Variants in ABRA observed in about 807,000 individuals in gnomAD.
The protein encoded by ABRA is actin binding Rho activating protein, also known as actin-binding Rho-activating protein.
A neutral mutation model predicts 33.4 loss-of-function variants in ABRA; 25 were observed. The ratio of observed to expected loss-of-function variants is 0.75; its 90% confidence interval spans 0.55 to 1.04. The LOEUF is 1.04. Ranked by LOEUF, ABRA falls within the 50% of genes least tolerant of loss-of-function variation. The pLI, the probability that ABRA is intolerant of heterozygous loss-of-function variation, is 0.00. For missense variants in ABRA, 501 were observed against 491.7 expected, an observed-to-expected ratio of 1.02 and a Z score of -0.18; for synonymous variants, 193 against 176.8, an observed-to-expected ratio of 1.09 and a Z score of -0.73.
chr8:106,770,004 G>C lies in ABRA; in HGVS notation c.187C>G (p.Pro63Ala). The C allele has an allele frequency of 6.2e-7, 1 of 1,614,002 alleles. No homozygotes were observed. The highest frequency in any genetic ancestry group is 8.5e-7 in the Non-Finnish European group (1 of 1,179,992). The change falls in exon 1 of 2, where the codon CCT becomes GCT. Residue 63 changes from proline to alanine, a missense_variant. Coordinates refer to ENST00000311955, the MANE Select transcript of ABRA (RefSeq NM_139166.5). ...GAAGTAGGGGGTGTGATTGGTTTAG[G>C]AGCTTGAGGTGAGTCCTGGGTCCCT... ...PGGTQDSPQA[P>A]KPITPPTSHQ...
At chr8:106,769,262 T>C (rs1450122264) in intron 1 of ABRA, among the ~76,000 whole-genome samples, 1 of 152,218 alleles carries the variant, frequency 6.6e-6, no homozygotes, top group Non-Finnish European at 1.5e-5. Context: ...TTCATCTTTG[T>C]TGAGGCTAAG....
rs1370063537 is a variant in ABRA, at chr8:106,769,789, A to G, written c.402T>C (p.Asp134=). The change falls in exon 1 of 2, where the codon GAT becomes GAC. Residue 134 remains aspartate, a synonymous_variant. Transcript: ENST00000311955. ...VSHLSHRYER[D]AGVLEPGQPE... is the part of the protein sequence containing the mutation. ...GCTGCCCAGGTTCAAGCACACCAGC[A>G]TCCCTCTCGTACCTGTGGCTGAGGT... 5 of 1,614,172 alleles carry G rather than the reference A, an allele frequency of 3.1e-6. No individual in the cohort carries two copies. The highest frequency in any genetic ancestry group is 4.2e-6 in the Non-Finnish European group (5 of 1,180,020).
intron 1 of ABRA, among the ~76,000 whole-genome samples, chr8:106,762,603 A>T (rs1303777412): frequency 1.3e-5 from 2 of 152,094 alleles, no homozygotes; most frequent in East Asian, 3.9e-4. Context: ...TGTAAGTGGG[A>T]GCTGATCTAT....
chr8:106,767,072 C>A (rs191322254), intron 1 of ABRA, among the ~76,000 whole-genome samples: 1 of 152,350 alleles, frequency 6.6e-6, no homozygotes, highest in African/African-American at 2.4e-5. Flanking sequence ...GTTCAAATTT[C>A]ATGGGCTGTA....
rs148231122 is a variant in ABRA, at chr8:106,761,143, A to G, written c.1040T>C (p.Val347Ala). 3.1e-6 allele frequency: 5 copies of G among 1,614,066 alleles called. No individual in the cohort carries two copies. The highest frequency in any genetic ancestry group is 1.7e-5 in the Admixed American group (1 of 59,994). ...CCTGGCACGCATGAGAATGCCCACT[A>G]CTTTATCTGAAATACGAACGTATCT... ...FDRYVRISDKVVGILMRARKH... is the reference protein window; with the variant it reads ...FDRYVRISDKAVGILMRARKH... Residue 347 changes from valine to alanine, a missense_variant, in exon 2 of 2, where the codon GTA (valine) becomes GCA (alanine). By Grantham distance (64) the Val-to-Ala change is moderately conservative (BLOSUM62 0). Transcript: ENST00000311955.
intron 1 of ABRA, among the ~76,000 whole-genome samples, chr8:106,766,436 C>T (rs1311141324): frequency 6.6e-6 from 1 of 151,818 alleles, no homozygotes; most frequent in Non-Finnish European, 1.5e-5. Context: ...GAGAAGGGTG[C>T]CTATAATTAA....
rs148231122 is a variant in ABRA, at chr8:106,761,143, A to T, written c.1040T>A (p.Val347Glu). ...CCTGGCACGCATGAGAATGCCCACT[A>T]CTTTATCTGAAATACGAACGTATCT... ...FDRYVRISDK[V>E]VGILMRARKH... The change falls in exon 2 of 2, where the codon GTA becomes GAA. Residue 347 changes from valine (V) to glutamate (E), a missense_variant. Val to Glu is a moderately radical substitution (Grantham distance 121). Coordinates refer to ENST00000311955, the MANE Select transcript of ABRA (RefSeq NM_139166.5). 18 of 1,614,066 alleles carry T rather than the reference A, an allele frequency of 1.1e-5. No homozygotes were observed. The highest frequency in any genetic ancestry group is 1.5e-5 in the Non-Finnish European group (18 of 1,180,030).
chr8:106,769,967 G>T lies in ABRA; in HGVS notation c.224C>A (p.Ala75Asp). Residue 75 changes from alanine (A) to aspartate (D), a missense_variant, in exon 1 of 2, where the codon GCT (alanine) becomes GAT (aspartate). By Grantham distance (126) the Ala-to-Asp change is moderately radical. Coordinates refer to ENST00000311955, the MANE Select transcript of ABRA (RefSeq NM_139166.5). Reference protein sequence around the residue: ...PITPPTSHQKAQSAPKSPPRL... With the variant: ...PITPPTSHQKDQSAPKSPPRL... ...GGGTGGCGACTTTGGGGCACTCTGA[G>T]CTTTCTGGTGTGAAGTAGGGGGTGT... 2 of 1,613,940 alleles carry T rather than the reference G, an allele frequency of 1.2e-6. No homozygotes were observed. Among genetic ancestry groups the T allele is most frequent in the Non-Finnish European group, 1.7e-6 (2 of 1,179,970 alleles).
intron 1 of ABRA, among the ~76,000 whole-genome samples, chr8:106,766,032 C>T (rs1483010509): frequency 1.3e-5 from 2 of 152,200 alleles, no homozygotes; most frequent in African/African-American, 4.8e-5. Context: ...CTTAATGTCT[C>T]TGTGTGTCAG....
In ABRA at chr8:106,770,050, C is replaced by T. The variant is rs137924961; in HGVS notation, c.141G>A (p.Glu47=). The change falls in exon 1 of 2, where the codon GAG becomes GAA. Residue 47 remains glutamate, a synonymous_variant. Transcript: ENST00000311955. The stretch of plus-strand genomic sequence containing the variant: ...TCCCTCCCGGCAGCCAGCCTGTAGG[C>T]TCCTGGGCCTGCCTGATGCTGTTCT... The part of the protein sequence containing the change: ...ANENSIRQAQ[E]PTGWLPGGTQ... 2.0e-5 allele frequency: 33 copies of T among 1,613,944 alleles called. No individual in the cohort carries two copies. In the African/African-American group the frequency reaches 2.5e-4, roughly 12 times the overall value.
In ABRA at chr8:106,769,598, C is replaced by T. The variant is rs1256315966; in HGVS notation, c.593G>A (p.Gly198Glu). The T allele has an allele frequency of 5.0e-6, 8 of 1,614,098 alleles. No homozygotes were observed. The African/African-American group carries it at 6.7e-5, about 13-fold the overall frequency. Residue 198 changes from glycine to glutamate, a missense_variant, in exon 1 of 2, where the codon GGA becomes GAA. Gly to Glu is a moderately conservative substitution (Grantham distance 98, BLOSUM62 -2). Transcript: ENST00000311955. ...SVDTEDSGYGGEAEERPEQDG... is the reference protein window; with the variant it reads ...SVDTEDSGYGEEAEERPEQDG... ...CTGCTCGGGCCTCTCCTCAGCCTCT[C>T]CTCCATAGCCGCTGTCCTCTGTGTC...
At position 106,769,593 on chromosome 8, in the gene ABRA, C is replaced by T. The variant is rs1810568835; in HGVS notation, c.598G>A (p.Ala200Thr). The change falls in exon 1 of 2, where the codon GCT (alanine) becomes ACT (threonine). Residue 200 changes from alanine (A) to threonine (T), a missense_variant. Physicochemically the swap from Ala to Thr is moderately conservative, Grantham distance 58 (BLOSUM62 0). Transcript: ENST00000311955. ...CCATCCTGCTCGGGCCTCTCCTCAG[C>T]CTCTCCTCCATAGCCGCTGTCCTCT... ...DTEDSGYGGE[A>T]EERPEQDGVQ... The T allele has an allele frequency of 1.2e-6, 2 of 1,614,120 alleles. No individual in the cohort carries two copies. The highest frequency in any genetic ancestry group is 1.1e-5 in the South Asian group (1 of 91,094).
chr8:106,762,816 C>T (rs1836156907), intron 1 of ABRA, among the ~76,000 whole-genome samples: 1 of 152,164 alleles, frequency 6.6e-6, no homozygotes, highest in African/African-American at 2.4e-5. Flanking sequence ...TATCCCAGAA[C>T]TCAAAAAGAC....
Position 106,761,398 on chromosome 8 carries a change from A to T in ABRA, c.785T>A (p.Leu262His). Residue 262 changes from leucine (L) to histidine (H), a missense_variant, in exon 2 of 2, where the codon CTC becomes CAC. Leu to His is a moderately conservative substitution (Grantham distance 99). Coordinates refer to ENST00000311955, the MANE Select transcript of ABRA (RefSeq NM_139166.5). ...WADEHIQSQK[L>H]NPFSEEFDYE... Reference sequence around the variant, plus strand: ...ATCAAACTCTTCACTGAAAGGATTGAGCTTCTGGGATTGTATGTGTTCATC... The same window carrying T: ...ATCAAACTCTTCACTGAAAGGATTGTGCTTCTGGGATTGTATGTGTTCATC... 1 of 1,614,136 alleles carries T rather than the reference A, an allele frequency of 6.2e-7. No individual in the cohort carries two copies. Among genetic ancestry groups the T allele is most frequent in the Non-Finnish European group, 8.5e-7 (1 of 1,180,026 alleles).
At chr8:106,769,092 G>A (rs148116872) in intron 1 of ABRA, among the ~76,000 whole-genome samples, 43 of 152,302 alleles carry the variant, frequency 2.8e-4, no homozygotes, top group Non-Finnish European at 2.6e-4. Context: ...TGAAGCAGAC[G>A]TATCTCCTGA....
At chr8:106,767,768 T>C (rs1810513190) in intron 1 of ABRA, among the ~76,000 whole-genome samples, 1 of 152,224 alleles carries the variant, frequency 6.6e-6, no homozygotes, top group Non-Finnish European at 1.5e-5. Flanking sequence ...GTAGTAGTTC[T>C]AATTCTTTCA....
chr8:106,764,037 C>A (rs1836173863), intron 1 of ABRA, among the ~76,000 whole-genome samples: 3 of 152,128 alleles, frequency 2.0e-5, no homozygotes, highest in African/African-American at 7.2e-5. Context: ...TGTATAAGCA[C>A]TAGGCTGAAG....
chr8:106,764,520 C>T (rs960681979), intron 1 of ABRA, among the ~76,000 whole-genome samples: 3 of 152,124 alleles, frequency 2.0e-5, no homozygotes, highest in Non-Finnish European at 4.4e-5. Context: ...GGCATAGTGG[C>T]GCATGCCTAT....
chr8:106,768,462 T>A (rs1810538142), intron 1 of ABRA, among the ~76,000 whole-genome samples: 1 of 152,190 alleles, frequency 6.6e-6, no homozygotes, highest in Non-Finnish European at 1.5e-5. Context: ...TTTTGAAAAT[T>A]TGAAAAGTTG....
Sources: allele counts gnomAD v4.1 joint callset (sites outside exome capture counted in the v4.1 genomes callset), GRCh38; gene constraint gnomAD v4.1.1; transcripts MANE v1.5; gene names NCBI Gene and HGNC (gene_info 2026-07-23, HGNC 2026-07-21).